Variants in FPGT observed in about 807,000 individuals in gnomAD.
FPGT encodes the protein fucose-1-phosphate guanylyltransferase.
In FPGT, 41 loss-of-function variants were observed where a neutral mutation model predicts 45.8. The ratio of observed to expected loss-of-function variants is 0.90; its 90% CI spans 0.70 to 1.16. FPGT has a LOEUF of 1.16. Ranked by LOEUF, FPGT falls within the 50% of genes most tolerant of loss-of-function variation. The pLI, the probability that FPGT is intolerant of heterozygous loss-of-function variation, is 0.00. For missense variants in FPGT, 755 were observed against 689.1 expected (o/e 1.10, Z -1.07); for synonymous variants, 292 against 247.2 (o/e 1.18, Z -1.70).
chr1:74,199,639 T>C, intron 1 of FPGT, 25 bp from the exon 2 acceptor site: 1 of 1,598,166 alleles, frequency 6.3e-7, no homozygotes, highest in Non-Finnish European at 8.5e-7. Context: ...ATTTTTGTTT[T>C]CATTTCCTTG....
chr1:74,204,780 C>CA lies in FPGT; in HGVS notation c.733_734insA (p.Pro245HisfsTer13). On this transcript the variant is annotated frameshift_variant, in exon 4 of 4. Coordinates refer to ENST00000370898, the MANE Select transcript of FPGT (RefSeq NM_003838.5). LOFTEE classifies it high-confidence loss of function. Reference sequence around the variant, plus strand: ...GTATCAGTTTAATGCTGTGTGTAGACCTGGAAATTTTTGTCAACAGGACTT... The same window carrying CA: ...GTATCAGTTTAATGCTGTGTGTAGACACTGGAAATTTTTGTCAACAGGACTT... 3 of 1,613,550 alleles carry CA rather than the reference C, an allele frequency of 1.9e-6. No individual in the cohort carries two copies. Among genetic ancestry groups the CA allele is most frequent in the Middle Eastern group, 1.6e-4 (1 of 6,062 alleles).
At position 74,201,134 on chromosome 1, in the gene FPGT, G is replaced by T. The variant is rs534586307; in HGVS notation, c.251-184G>T. On this transcript the variant is annotated intron_variant, in intron 2 of 3. Coordinates refer to ENST00000370898, the MANE Select transcript of FPGT (RefSeq NM_003838.5). ...GTCTGGGTTTCATTGCTAATTTATTGATTGGTTGTTTGCTATGAGATGTTT... is the reference window on the plus strand; with the variant it reads ...GTCTGGGTTTCATTGCTAATTTATTTATTGGTTGTTTGCTATGAGATGTTT... Among the ~76,000 whole-genome samples, 7 of 152,196 alleles carry T rather than the reference G, an allele frequency of 4.6e-5. No homozygotes were observed. In the South Asian group the frequency reaches 1.5e-3, roughly 32 times the overall value.
chr1:74,205,003 A>G lies in FPGT; in HGVS notation c.956A>G (p.Asn319Ser). Residue 319 changes from asparagine (N) to serine (S), a missense_variant, in exon 4 of 4, where the codon AAC (asparagine) becomes AGC (serine). Asn to Ser is a conservative substitution (Grantham distance 46). Coordinates refer to ENST00000370898, the MANE Select transcript of FPGT (RefSeq NM_003838.5). ...GGAGCAACTGTGGAGTACACCAGAA[A>G]CACATCAAATGTCATTAAAGAAGAG... is the stretch of plus-strand genomic sequence containing the variant. Reference protein sequence around the residue: ...GPGATVEYTRNTSNVIKEESE... With the variant: ...GPGATVEYTRSTSNVIKEESE... The G allele has an allele frequency of 6.2e-7, 1 of 1,614,062 alleles. No individual in the cohort carries two copies. Among genetic ancestry groups the G allele is most frequent in the South Asian group, 1.1e-5 (1 of 91,086 alleles).
Position 74,205,042 on chromosome 1 carries a change from A to G in FPGT, c.995A>G (p.Glu332Gly), listed in dbSNP as rs149465354. The G allele has an allele frequency of 1.3e-4, 217 of 1,613,520 alleles. No individual in the cohort carries two copies. Among genetic ancestry groups the G allele is most frequent in the Non-Finnish European group, 1.8e-4 (207 of 1,179,686 alleles). ...ATTAAAGAAGAGTCAGAGTTGGTAG[A>G]AATGAGGCAGAGAATATTTCATCTT... ...NVIKEESELV[E>G]MRQRIFHLLK... Residue 332 changes from glutamate (E) to glycine (G), a missense_variant, in exon 4 of 4, where the codon GAA (glutamate) becomes GGA (glycine). Transcript: ENST00000370898.
At chr1:74,203,393 T>TG (rs1651976566) in intron 3 of FPGT, among the ~76,000 whole-genome samples, 2 of 116,588 alleles carry the variant, frequency 1.7e-5, no homozygotes, top group East Asian at 9.1e-4. Flanking sequence ...TGAAGTAGAT[T>TG]TTTTTTTTTT....
In FPGT at chr1:74,205,265, A is replaced by G. The variant is rs1328749184; in HGVS notation, c.1218A>G (p.Ile406Met). Residue 406 changes from isoleucine (I) to methionine (M), a missense_variant, in exon 4 of 4, where the codon ATA (isoleucine) becomes ATG (methionine). Transcript: ENST00000370898. ...AAACATCCTGTATCATTCAAAGCATACTGGATTCAAGATGTTCTGTGGCAC... is the reference window on the plus strand; with the variant it reads ...AAACATCCTGTATCATTCAAAGCATGCTGGATTCAAGATGTTCTGTGGCAC... ...SGKTSCIIQS[I>M]LDSRCSVAPG... 1.9e-6 allele frequency: 3 copies of G among 1,613,800 alleles called. No individual in the cohort carries two copies. The highest frequency in any genetic ancestry group is 2.7e-5 in the African/African-American group (2 of 75,020).
chr1:74,203,582 G>A (rs1390488709), intron 3 of FPGT, among the ~76,000 whole-genome samples: 1 of 151,658 alleles, frequency 6.6e-6, no homozygotes, highest in Non-Finnish European at 1.5e-5. Context: ...TAGTAGAGAT[G>A]GGGTTTCACC....
chr1:74,205,704 G>A lies in FPGT; in HGVS notation c.1657G>A (p.Ala553Thr). 1 of 1,611,628 alleles carries A rather than the reference G, an allele frequency of 6.2e-7. No individual in the cohort carries two copies. Among genetic ancestry groups the A allele is most frequent in the East Asian group, 2.2e-5 (1 of 44,844 alleles). Reference sequence around the variant, plus strand: ...GTTAAATGCTGTTAAGAACAAGTCAGCATTCAGCCTGAATAGCTATAAGTT... The same window carrying A: ...GTTAAATGCTGTTAAGAACAAGTCAACATTCAGCCTGAATAGCTATAAGTT... ...KMLNAVKNKS[A>T]FSLNSYKLLS... The change falls in exon 4 of 4, where the codon GCA becomes ACA. Residue 553 changes from alanine (A) to threonine (T), a missense_variant. By Grantham distance (58) the Ala-to-Thr change is moderately conservative (BLOSUM62 0). Coordinates refer to ENST00000370898, the MANE Select transcript of FPGT (RefSeq NM_003838.5).
Position 74,208,076 on chromosome 1 carries a change from G to C in FPGT, c.*2244G>C, listed in dbSNP as rs556756720. ...TATGACCAAGTTCACATGTGAGCAA[G>C]TAACAACTCCATGACTATTGCTGCC... On this transcript the variant is annotated 3_prime_UTR_variant, in exon 4 of 4. Transcript: ENST00000370898. Among the ~76,000 whole-genome samples, 60 of 151,982 alleles carry C rather than the reference G, an allele frequency of 3.9e-4. No homozygotes were observed. The highest frequency in any genetic ancestry group is 7.9e-4 in the Non-Finnish European group (54 of 67,936).
intron 3 of FPGT, among the ~76,000 whole-genome samples, chr1:74,203,428 G>T (rs1019043230): frequency 1.1e-4 from 17 of 150,048 alleles, no homozygotes; most frequent in African/African-American, 4.2e-4. Flanking sequence ...TGGCTCTGTC[G>T]CCCAGGCTGG....
In FPGT at chr1:74,206,177, T is replaced by C. The variant is rs1652267422; in HGVS notation, c.*345T>C. ...TTTGAGGCTTTTGGTCCAGTGAAGT[T>C]CTAAGTATTCACTGGCACTTCTCTC... On this transcript the variant is annotated 3_prime_UTR_variant, in exon 4 of 4. Coordinates refer to ENST00000370898, the MANE Select transcript of FPGT (RefSeq NM_003838.5). 1 of 174,500 alleles carries C rather than the reference T, an allele frequency of 5.7e-6. No homozygotes were observed. Among genetic ancestry groups the C allele is most frequent in the African/African-American group, 2.4e-5 (1 of 41,994 alleles). The allele number at this position is 174,500 out of a possible 1,614,324, so 10.8% of individuals were successfully genotyped here. A position where few individuals can be genotyped will look rare whatever the true frequency, so the allele number is the denominator to read the frequency against.
intron 3 of FPGT, 144 bp from the exon 4 acceptor site, chr1:74,204,247 C>T: frequency 4.2e-6 from 2 of 478,964 alleles, no homozygotes; most frequent in South Asian, 5.5e-5. Context: ...TTATTCTTTC[C>T]TGATTTGCAG....
At chr1:74,202,575 A>G (rs1320713670) in intron 3 of FPGT, among the ~76,000 whole-genome samples, 1 of 152,106 alleles carries the variant, frequency 6.6e-6, no homozygotes. Context: ...TGCTCTTTGA[A>G]AAAAGAAAAA....
rs1355020828 is a variant in FPGT at position 74,207,510 on chromosome 1, C to G, written c.*1678C>G. Among the ~76,000 whole-genome samples, 1 of 151,880 alleles carries G rather than the reference C, an allele frequency of 6.6e-6. No homozygotes were observed. The highest frequency in any genetic ancestry group is 1.9e-4 in the East Asian group (1 of 5,164). On this transcript the variant is annotated 3_prime_UTR_variant, in exon 4 of 4. Transcript: ENST00000370898. ...CACTTATGTCTGGATTTTTTTTACC[C>G]AGCTACAGACCCACACTCCTGCAAG...
intron 3 of FPGT, among the ~76,000 whole-genome samples, chr1:74,201,726 G>A (rs1442955440): frequency 1.3e-5 from 2 of 151,944 alleles, no homozygotes; most frequent in African/African-American, 2.4e-5. Flanking sequence ...AATAGTTCTC[G>A]GGAATACTTT....
intron 3 of FPGT, among the ~76,000 whole-genome samples, 169 bp downstream of exon 3, chr1:74,201,579 G>C (rs1001850766): frequency 1.3e-5 from 2 of 152,032 alleles, no homozygotes; most frequent in Non-Finnish European, 2.9e-5. Context: ...TTTTTAGGTT[G>C]TAAGTAGTAT....
At chr1:74,199,515 A>T (rs1570309131) in intron 1 of FPGT, 149 bp from the exon 2 acceptor site, 1 of 842,716 alleles carries the variant, frequency 1.2e-6, no homozygotes, top group Admixed American at 3.0e-5. Context: ...TGCACCACTA[A>T]TTATTCCCTA....
At position 74,204,746 on chromosome 1, in the gene FPGT, A is replaced by T. The variant is rs1242586985; in HGVS notation, c.699A>T (p.Ile233=). The change falls in exon 4 of 4, where the codon ATA becomes ATT. Residue 233 remains isoleucine, a synonymous_variant. Coordinates refer to ENST00000370898, the MANE Select transcript of FPGT (RefSeq NM_003838.5). The part of the protein sequence containing the change: ...SCHRFLHKPS[I]EKMYQFNAVC... ...ATCGTTTCCTTCATAAGCCCAGCAT[A>T]GAAAAGATGTATCAGTTTAATGCTG... The T allele has an allele frequency of 6.2e-7, 1 of 1,614,074 alleles. No homozygotes were observed. The highest frequency in any genetic ancestry group is 8.5e-7 in the Non-Finnish European group (1 of 1,179,976).
intron 3 of FPGT, among the ~76,000 whole-genome samples, chr1:74,203,482 C>T (rs1651988657): frequency 6.6e-6 from 1 of 151,660 alleles, no homozygotes; most frequent in Non-Finnish European, 1.5e-5. Flanking sequence ...AGCTTCGCCT[C>T]CCGGGTTCAC....
Sources: allele counts gnomAD v4.1 joint callset (sites outside exome capture counted in the v4.1 genomes callset), GRCh38; gene constraint gnomAD v4.1.1; transcripts MANE v1.5; gene names NCBI Gene and HGNC (gene_info 2026-07-23, HGNC 2026-07-21).